CTNNBL1: variants seen among roughly 807,000 people sequenced by gnomAD.
CTNNBL1 encodes catenin beta like 1.
In CTNNBL1, 31 loss-of-function variants were observed where a neutral mutation model predicts 72.7. That is an observed-to-expected ratio of 0.43 (90% CI 0.32 to 0.58). The LOEUF (loss-of-function observed/expected upper bound fraction) is 0.58. Among genes scored for constraint, CTNNBL1 ranks in the 20% least tolerant of loss-of-function variants. The pLI is 0.08. For missense variants in CTNNBL1, 534 were observed against 725.1 expected, an observed-to-expected ratio of 0.74 and a Z score of 3.03; for synonymous variants, 240 against 267.3, an observed-to-expected ratio of 0.90 and a Z score of 1.00.
intron 3 of CTNNBL1, among the ~76,000 whole-genome samples, chr20:37,738,225 CT>C (rs1381761835): frequency 1.1e-4 from 17 of 152,370 alleles, no homozygotes; most frequent in African/African-American, 4.1e-4. Flanking sequence ...ACACACATCC[CT>C]TTGAATAAGT....
intron 5 of CTNNBL1, among the ~76,000 whole-genome samples, chr20:37,762,848 G>A (rs1482521074): frequency 6.6e-6 from 1 of 152,148 alleles, no homozygotes. Flanking sequence ...CAGTTTGCAA[G>A]CTTAAAAAGG....
intron 1 of CTNNBL1, among the ~76,000 whole-genome samples, chr20:37,702,737 A>G (rs1017198390): frequency 2.0e-5 from 3 of 152,024 alleles, no homozygotes; most frequent in Admixed American, 2.0e-4. Context: ...TTCTTCTCAC[A>G]CTTACAAAAC....
chr20:37,798,713 AAG>A (rs2073799564), intron 10 of CTNNBL1, among the ~76,000 whole-genome samples: 1 of 152,188 alleles, frequency 6.6e-6, no homozygotes, highest in South Asian at 2.1e-4. Flanking sequence ...AGGAAAAAAA[AAG>A]AGAGGCTTGG....
chr20:37,869,225 C>T (rs553545450), intron 15 of CTNNBL1, among the ~76,000 whole-genome samples: 2 of 152,268 alleles, frequency 1.3e-5, no homozygotes, highest in South Asian at 4.1e-4. Flanking sequence ...TAAAGAGGAA[C>T]GGGGCAAAAT....
At chr20:37,759,583 G>A (rs2073396350) in intron 5 of CTNNBL1, among the ~76,000 whole-genome samples, 1 of 152,110 alleles carries the variant, frequency 6.6e-6, no homozygotes, top group Non-Finnish European at 1.5e-5. Context: ...GAGCCACTAG[G>A]TAACTGCTAT....
At position 37,732,894 on chromosome 20, in the gene CTNNBL1, A is replaced by C. The variant is rs2073141529; in HGVS notation, c.46A>C (p.Lys16Gln). 1 of 1,613,570 alleles carries C rather than the reference A, an allele frequency of 6.2e-7. No homozygotes were observed. The highest frequency in any genetic ancestry group is 1.7e-5 in the Admixed American group (1 of 59,988). ...TTTCTCTCAGCCCAATAGGGGCACA[A>C]AACGTCCCCGGGATGATGAAGAGGA... ...LLSYQPNRGT[K>Q]RPRDDEEEEQ... The change falls in exon 2 of 16, where the codon AAA (lysine) becomes CAA (glutamine). Residue 16 changes from lysine (K) to glutamine (Q), a missense_variant. Coordinates refer to ENST00000361383, the MANE Select transcript of CTNNBL1 (RefSeq NM_030877.5).
At chr20:37,719,845 CT>C (rs751734838) in intron 1 of CTNNBL1, among the ~76,000 whole-genome samples, 211 of 141,258 alleles carry the variant, frequency 1.5e-3, no homozygotes, top group Admixed American at 1.8e-3. Context: ...CTTTTCTTTT[CT>C]TTTTTTTTTT....
chr20:37,824,452 T>A (rs529775773), intron 11 of CTNNBL1, among the ~76,000 whole-genome samples: 1 of 152,300 alleles, frequency 6.6e-6, no homozygotes, highest in Admixed American at 6.5e-5. Flanking sequence ...TTGCTTGGGG[T>A]AAACGCCTGA....
At chr20:37,707,177 G>A (rs1314313579) in intron 1 of CTNNBL1, among the ~76,000 whole-genome samples, 1 of 152,158 alleles carries the variant, frequency 6.6e-6, no homozygotes, top group Non-Finnish European at 1.5e-5. Context: ...TGCTAAATGA[G>A]CATTGGCTTC....
intron 12 of CTNNBL1, among the ~76,000 whole-genome samples, chr20:37,841,246 T>C (rs1405564320): frequency 1.3e-5 from 2 of 152,192 alleles, no homozygotes; most frequent in African/African-American, 4.8e-5. Context: ...TCTCTGACCA[T>C]TTTTTCTACC....
chr20:37,792,480 C>T (rs896960792), intron 10 of CTNNBL1, among the ~76,000 whole-genome samples: 2 of 152,112 alleles, frequency 1.3e-5, no homozygotes, highest in Non-Finnish European at 2.9e-5. Flanking sequence ...GGCTTTTAAT[C>T]TTCATTATTT....
At chr20:37,868,521 T>A (rs1356284559) in intron 15 of CTNNBL1, among the ~76,000 whole-genome samples, 3 of 152,200 alleles carry the variant, frequency 2.0e-5, no homozygotes, top group Non-Finnish European at 4.4e-5. Context: ...CCGCTCTGTA[T>A]GGGACAGGCC....
chr20:37,800,621 A>G (rs1051557887), intron 10 of CTNNBL1, among the ~76,000 whole-genome samples: 4 of 152,070 alleles, frequency 2.6e-5, no homozygotes, highest in Admixed American at 1.3e-4. Context: ...TTACATGTAT[A>G]TTATTCTTTC....
intron 13 of CTNNBL1, among the ~76,000 whole-genome samples, chr20:37,844,769 A>G (rs1478235341): frequency 6.6e-6 from 1 of 152,086 alleles, no homozygotes; most frequent in Non-Finnish European, 1.5e-5. Context: ...CGACAAAGCA[A>G]AACCCCCATT....
chr20:37,774,352 G>GC (rs1459779888), intron 7 of CTNNBL1, among the ~76,000 whole-genome samples: 10 of 152,160 alleles, frequency 6.6e-5, no homozygotes, highest in African/African-American at 2.4e-4. Flanking sequence ...GAGCCTGTGA[G>GC]CATTGGGCCT....
At chr20:37,779,152 A>G (rs138311655) in intron 9 of CTNNBL1, 35 bp from the exon 10 acceptor site, 2 of 1,607,468 alleles carry the variant, frequency 1.2e-6, no homozygotes, top group African/African-American at 1.3e-5. Context: ...ACATTCTCTT[A>G]TAGCTCTGTG....
chr20:37,826,243 G>C (rs946700896), intron 11 of CTNNBL1, among the ~76,000 whole-genome samples: 1 of 152,202 alleles, frequency 6.6e-6, no homozygotes. Context: ...CAGATACAGT[G>C]CTGTAAATTA....
At chr20:37,766,645 G>T (rs2073471297) in intron 6 of CTNNBL1, among the ~76,000 whole-genome samples, 1 of 152,178 alleles carries the variant, frequency 6.6e-6, no homozygotes, top group South Asian at 2.1e-4. Flanking sequence ...ATTTTGACAG[G>T]TGGAGGAGTG....
chr20:37,704,220 A>T (rs191731961), intron 1 of CTNNBL1, among the ~76,000 whole-genome samples: 42 of 152,360 alleles, frequency 2.8e-4, no homozygotes, highest in Middle Eastern at 6.8e-3. Context: ...GGTATACCCC[A>T]GATTTGAAAT....
Sources: allele counts gnomAD v4.1 joint callset (sites outside exome capture counted in the v4.1 genomes callset), GRCh38; gene constraint gnomAD v4.1.1; transcripts MANE v1.5; gene names NCBI Gene and HGNC (gene_info 2026-07-23, HGNC 2026-07-21).